TIMP3: variants seen among roughly 807,000 people sequenced by gnomAD.
TIMP3 encodes metalloproteinase inhibitor 3.
TIMP3 carries 11 observed loss-of-function variants against 30.0 expected under a neutral mutation model. The ratio of observed to expected loss-of-function variants is 0.37; its 90% CI spans 0.23 to 0.61. The LOEUF is 0.61. TIMP3 is among the 20% of genes least tolerant of loss of function. The probability of loss-of-function intolerance (pLI) is 0.70; values close to 1 mark genes in which losing one functional copy is unlikely to be tolerated. For synonymous variants in TIMP3, 112 were observed against 111.3 expected (o/e 1.01, Z -0.04); for missense variants, 181 against 276.8 (o/e 0.65, Z 2.45).
chr22:32,824,117 A>C (rs1464014740), intron 1 of TIMP3, among the ~76,000 whole-genome samples: 1 of 151,934 alleles, frequency 6.6e-6, no homozygotes, highest in African/African-American at 2.4e-5. Context: ...TCTCTACTAA[A>C]AATACAAAAA....
intron 1 of TIMP3, among the ~76,000 whole-genome samples, chr22:32,807,492 T>C (rs1179941779): frequency 6.9e-6 from 1 of 144,494 alleles, no homozygotes; most frequent in Non-Finnish European, 1.5e-5. Flanking sequence ...CTAATAAGTA[T>C]AGAGTGATTA....
At position 32,862,692 on chromosome 22, in the gene TIMP3, C is replaced by T. The variant is rs1160267013; in HGVS notation, c.*3315C>T. On this transcript the variant is annotated 3_prime_UTR_variant, in exon 5 of 5. Transcript: ENST00000266085. ...AAAGTAGGGGAGGTGGATGTGACAA[C>T]AACTTCCAAATTGGCTCTTTGGAGG... The T allele has an allele frequency of 1.3e-5, 2 of 152,438 alleles. No homozygotes were observed. Among genetic ancestry groups the T allele is most frequent in the Non-Finnish European group, 2.9e-5 (2 of 68,038 alleles). 9.4% of individuals were successfully genotyped at this position (152,438 alleles called of 1,614,324 possible).
chr22:32,843,364 G>A (rs1174624346), intron 1 of TIMP3, among the ~76,000 whole-genome samples: 1 of 152,234 alleles, frequency 6.6e-6, no homozygotes, highest in African/African-American at 2.4e-5. Context: ...GAATGGGTGA[G>A]CAGCTGGAAG....
chr22:32,820,192 C>A (rs2047197269), intron 1 of TIMP3, among the ~76,000 whole-genome samples: 1 of 152,070 alleles, frequency 6.6e-6, no homozygotes, highest in African/African-American at 2.4e-5. Context: ...CTTCCTCACT[C>A]CCTCAGGGCA....
chr22:32,836,699 T>C (rs1366886992), intron 1 of TIMP3, among the ~76,000 whole-genome samples: 1 of 151,994 alleles, frequency 6.6e-6, no homozygotes. Flanking sequence ...GCTGAGTGAG[T>C]AGGGGACACC....
chr22:32,854,993 C>A (rs1027686192), intron 2 of TIMP3, among the ~76,000 whole-genome samples: 1 of 152,128 alleles, frequency 6.6e-6, no homozygotes, highest in African/African-American at 2.4e-5. Flanking sequence ...AAATGGGAGG[C>A]ATTTAGAAGA....
chr22:32,853,727 C>T (rs149029069), intron 2 of TIMP3, among the ~76,000 whole-genome samples: 11 of 152,322 alleles, frequency 7.2e-5, no homozygotes, highest in African/African-American at 2.4e-4. Context: ...TCCTCCTCTC[C>T]TTACGAATTT....
intron 2 of TIMP3, among the ~76,000 whole-genome samples, chr22:32,856,366 G>A (rs1454125708): frequency 1.1e-4 from 16 of 152,090 alleles, no homozygotes; most frequent in Admixed American, 1.0e-3. Flanking sequence ...GCACCAACCT[G>A]GCTAGTCAAG....
chr22:32,828,471 C>T (rs896150893), intron 1 of TIMP3, among the ~76,000 whole-genome samples: 4 of 152,244 alleles, frequency 2.6e-5, no homozygotes, highest in Non-Finnish European at 5.9e-5. Flanking sequence ...GGGTGCTGTG[C>T]ACCCAGGAAA....
At chr22:32,822,491 G>T (rs2047278391) in intron 1 of TIMP3, among the ~76,000 whole-genome samples, 1 of 152,192 alleles carries the variant, frequency 6.6e-6, no homozygotes, top group African/African-American at 2.4e-5. Context: ...GTATGTTCCT[G>T]TGCATCGAAA....
chr22:32,823,864 C>A (rs1203050194), intron 1 of TIMP3, among the ~76,000 whole-genome samples: 1 of 152,162 alleles, frequency 6.6e-6, no homozygotes, highest in Non-Finnish European at 1.5e-5. Flanking sequence ...TACATCCCCA[C>A]AGTGCCCTGC....
At chr22:32,820,313 CGT>C (rs937436610) in intron 1 of TIMP3, among the ~76,000 whole-genome samples, 9 of 146,472 alleles carry the variant, frequency 6.1e-5, no homozygotes, top group Non-Finnish European at 1.2e-4. Flanking sequence ...TGTTCTACTC[CGT>C]GTGTGTGTCA....
chr22:32,859,179 G>T lies in TIMP3; in HGVS notation c.439-1G>T. 1 of 1,614,204 alleles carries T rather than the reference G, an allele frequency of 6.2e-7. No homozygotes were observed. The highest frequency in any genetic ancestry group is 8.5e-7 in the Non-Finnish European group (1 of 1,180,032). ...AACTGCTGCCTGTTATCTAATTGCAGATCAAGTCCTGCTACTACCTGCCTT... is the reference window on the plus strand; with the variant it reads ...AACTGCTGCCTGTTATCTAATTGCATATCAAGTCCTGCTACTACCTGCCTT... On this transcript the variant is annotated splice_acceptor_variant, in intron 4 of 4. Coordinates refer to ENST00000266085, the MANE Select transcript of TIMP3 (RefSeq NM_000362.5). LOFTEE classifies it high-confidence loss of function.
chr22:32,857,376 A>T lies in TIMP3; in HGVS notation c.316+16A>T. 1.3e-6 allele frequency: 2 copies of T among 1,599,276 alleles called. No individual in the cohort carries two copies. Among genetic ancestry groups the T allele is most frequent in the Non-Finnish European group, 1.7e-6 (2 of 1,166,656 alleles). ...CTGCTGACAGGTAATGGCCAACTCT[A>T]GCTTCTAGGCCAGGGTTTGGCCAAG... On this transcript the variant is annotated intron_variant, in intron 3 of 4. Coordinates refer to ENST00000266085, the MANE Select transcript of TIMP3 (RefSeq NM_000362.5).
chr22:32,823,333 C>T (rs1400811685), intron 1 of TIMP3, among the ~76,000 whole-genome samples: 1 of 152,210 alleles, frequency 6.6e-6, no homozygotes, highest in African/African-American at 2.4e-5. Context: ...GGACCTGCCA[C>T]AGAGAATGCC....
At chr22:32,823,123 A>T (rs2047300407) in intron 1 of TIMP3, among the ~76,000 whole-genome samples, 1 of 152,226 alleles carries the variant, frequency 6.6e-6, no homozygotes, top group African/African-American at 2.4e-5. Flanking sequence ...ATAAAAGAAC[A>T]ATGGTGGGAA....
chr22:32,825,893 T>C (rs1384386200), intron 1 of TIMP3, among the ~76,000 whole-genome samples: 2 of 152,026 alleles, frequency 1.3e-5, no homozygotes, highest in African/African-American at 2.4e-5. Context: ...AACTGATATA[T>C]TGGGATTGAA....
At chr22:32,858,232 C>A in intron 4 of TIMP3, 94 bp downstream of exon 4, 2 of 1,560,196 alleles carry the variant, frequency 1.3e-6, no homozygotes, top group Non-Finnish European at 8.7e-7. Flanking sequence ...AGGCCCTCGG[C>A]TGGGAAGGGT....
intron 2 of TIMP3, among the ~76,000 whole-genome samples, chr22:32,855,404 G>A (rs546579617): frequency 2.0e-5 from 3 of 152,316 alleles, no homozygotes; most frequent in Non-Finnish European, 2.9e-5. Context: ...GGGGACCTTG[G>A]TCATAGACTT....
Sources: allele counts gnomAD v4.1 joint callset (sites outside exome capture counted in the v4.1 genomes callset), GRCh38; gene constraint gnomAD v4.1.1; transcripts MANE v1.5; gene names NCBI Gene and HGNC (gene_info 2026-07-23, HGNC 2026-07-21).